Variants in SUPT6H observed in about 807,000 individuals in gnomAD.
The protein encoded by SUPT6H is SPT6 homolog, histone chaperone and transcription elongation factor, also known as transcription elongation factor SPT6.
A neutral mutation model predicts 222.3 loss-of-function variants in SUPT6H; 11 were observed. The ratio of observed to expected loss-of-function variants is 0.05; its 90% CI spans 0.03 to 0.08. The LOEUF (loss-of-function observed/expected upper bound fraction) is 0.08. Among genes scored for constraint, SUPT6H ranks in the 10% least tolerant of loss-of-function variants. The pLI is 1.00. For synonymous variants in SUPT6H, 762 were observed against 801.2 expected, an observed-to-expected ratio of 0.95 and a Z score of 0.83; for missense variants, 1,422 against 2,216.0, an observed-to-expected ratio of 0.64 and a Z score of 7.19.
intron 7 of SUPT6H, among the ~76,000 whole-genome samples, chr17:28,677,150 A>C (rs1202156268): frequency 6.6e-6 from 1 of 151,466 alleles, no homozygotes; most frequent in Non-Finnish European, 1.5e-5. Flanking sequence ...AGGTGGGTGG[A>C]TTGCCTGAGC....
At position 28,675,119 on chromosome 17, in the gene SUPT6H, C is replaced by T. The variant is rs774751467; in HGVS notation, c.495C>T (p.Pro165=). The T allele has an allele frequency of 1.9e-6, 3 of 1,613,598 alleles. No homozygotes were observed. Among genetic ancestry groups the T allele is most frequent in the South Asian group, 1.1e-5 (1 of 91,034 alleles). ...AAGGGCAGGAGGCCATGGAGGCCCC[C>T]ATGGCTCCTCCAGAGGAGGAGGAAG... The part of the protein sequence containing the change: ...GEEGQEAMEA[P]MAPPEEEEED... The change falls in exon 5 of 37, where the codon CCC becomes CCT. Residue 165 remains proline, a synonymous_variant. Transcript: ENST00000314616.
intron 11 of SUPT6H, among the ~76,000 whole-genome samples, chr17:28,679,603 A>G (rs2030974369): frequency 6.6e-6 from 1 of 151,544 alleles, no homozygotes; most frequent in Admixed American, 6.6e-5. Flanking sequence ...GATGGTCTTG[A>G]TCTCCTGACC....
chr17:28,686,893 T>G, intron 21 of SUPT6H, 104 bp downstream of exon 21: 1 of 1,491,546 alleles, frequency 6.7e-7, no homozygotes, highest in African/African-American at 1.4e-5. Flanking sequence ...GGACTGTACC[T>G]GTGTACTTAT....
intron 28 of SUPT6H, among the ~76,000 whole-genome samples, chr17:28,694,109 T>C (rs1015646667): frequency 6.6e-6 from 1 of 152,208 alleles, no homozygotes; most frequent in Non-Finnish European, 1.5e-5. Context: ...TGCAGTTCAG[T>C]CCAGAGGGCA....
At chr17:28,668,666 G>A (rs2030236750) in intron 1 of SUPT6H, among the ~76,000 whole-genome samples, 1 of 152,130 alleles carries the variant, frequency 6.6e-6, no homozygotes, top group Admixed American at 6.5e-5. Context: ...TAGGCTGAGG[G>A]GCATCTGGTC....
chr17:28,689,260 T>C (rs2031534960), intron 24 of SUPT6H, 94 bp from the exon 25 acceptor site: 1 of 1,168,544 alleles, frequency 8.6e-7, no homozygotes, highest in Non-Finnish European at 1.2e-6. Context: ...GGAGGTGCCC[T>C]AATTTATTTA....
chr17:28,682,848 C>T lies in SUPT6H; in HGVS notation c.1719C>T (p.Tyr573=), dbSNP rs1413107213. 5 of 1,614,000 alleles carry T rather than the reference C, an allele frequency of 3.1e-6. No individual in the cohort carries two copies. The highest frequency in any genetic ancestry group is 3.4e-6 in the Non-Finnish European group (4 of 1,180,036). ...PAEPLELAKD[Y]VCSQFPTPEA... ...AGCCCTTGGAGCTGGCCAAGGATTACGTTTGCAGGTAGGCATGCAGCAGGT... is the reference window on the plus strand; with the variant it reads ...AGCCCTTGGAGCTGGCCAAGGATTATGTTTGCAGGTAGGCATGCAGCAGGT... The change falls in exon 14 of 37, where the codon TAC becomes TAT. Residue 573 remains tyrosine, a synonymous_variant. Coordinates refer to ENST00000314616, the MANE Select transcript of SUPT6H (RefSeq NM_003170.5).
intron 1 of SUPT6H, among the ~76,000 whole-genome samples, chr17:28,670,574 G>A (rs2030352992): frequency 1.3e-5 from 2 of 152,040 alleles, no homozygotes; most frequent in South Asian, 2.1e-4. Flanking sequence ...ATCTCTAGGA[G>A]ACATTCAACT....
intron 36 of SUPT6H, 99 bp downstream of exon 36, chr17:28,701,227 G>A (rs1211054733): frequency 4.7e-6 from 7 of 1,488,128 alleles, no homozygotes; most frequent in Non-Finnish European, 4.5e-6. Flanking sequence ...TGGATCCTCT[G>A]AGGGCCCTGA....
At position 28,673,150 on chromosome 17, in the gene SUPT6H, CAA is replaced by C. The variant is rs568444024; in HGVS notation, c.-31-205_-31-204del. Among the ~76,000 whole-genome samples, 236 of 81,762 alleles carry C rather than the reference CAA, an allele frequency of 2.9e-3. 1 individual carries two copies. Among genetic ancestry groups the C allele is most frequent in the African/African-American group, 7.8e-3 (174 of 22,408 alleles). 53.6% of individuals were successfully genotyped at this position (81,762 alleles called of 152,430 possible). A position where few individuals can be genotyped will look rare whatever the true frequency, so the allele number is the denominator to read the frequency against. ...TGGGTGAGAGAGTGAGACGCCACCT[CAA>C]AAAAAAAAAAAAAAAGTACATATGA... On this transcript the variant is annotated intron_variant, in intron 1 of 36. Transcript: ENST00000314616.
chr17:28,665,151 C>G (rs1208206084), intron 1 of SUPT6H, among the ~76,000 whole-genome samples: 1 of 152,156 alleles, frequency 6.6e-6, no homozygotes, highest in Non-Finnish European at 1.5e-5. Flanking sequence ...GAGCATACCT[C>G]TCCCTCATAG....
At chr17:28,700,131 T>C (rs761451130) in intron 33 of SUPT6H, 42 bp from the exon 34 acceptor site, 1 of 1,613,668 alleles carries the variant, frequency 6.2e-7, no homozygotes, top group Non-Finnish European at 8.5e-7. Context: ...AAACCAAAAA[T>C]AGGTTTCTGG....
intron 1 of SUPT6H, among the ~76,000 whole-genome samples, chr17:28,663,612 T>C (rs2072107240): frequency 6.6e-6 from 1 of 152,092 alleles, no homozygotes; most frequent in Non-Finnish European, 1.5e-5. Context: ...TCCTGTCCAC[T>C]ATTTCCCAAT....
In SUPT6H at chr17:28,688,021, T is replaced by A. The variant is rs1453968009; in HGVS notation, c.3007-70T>A. 6.8e-7 allele frequency: 1 copy of A among 1,474,356 alleles called. No homozygotes were observed. The highest frequency in any genetic ancestry group is 9.0e-7 in the Non-Finnish European group (1 of 1,107,508). The allele number at this position is 1,474,356 out of a possible 1,614,324, so 91.3% of individuals were successfully genotyped here. A position where few individuals can be genotyped will look rare whatever the true frequency, so the allele number is the denominator to read the frequency against. Reference sequence around the variant, plus strand: ...CAGAGTTTTTGTTATGAGGGTTTAATAGAGACTGGAACAGTCTGGGGAGGT... The same window carrying A: ...CAGAGTTTTTGTTATGAGGGTTTAAAAGAGACTGGAACAGTCTGGGGAGGT... On this transcript the variant is annotated intron_variant, in intron 23 of 36. Coordinates refer to ENST00000314616, the MANE Select transcript of SUPT6H (RefSeq NM_003170.5). This position sits in a 1 kb window ranked among gnomAD's most constrained non-coding sequence, Gnocchi z 4.3.
At position 28,687,074 on chromosome 17, in the gene SUPT6H, T is replaced by C. The variant is rs773533507; in HGVS notation, c.2701-14T>C. On this transcript the variant is annotated splice_polypyrimidine_tract_variant and intron_variant, in intron 21 of 36. Coordinates refer to ENST00000314616, the MANE Select transcript of SUPT6H (RefSeq NM_003170.5). ...GGGGATTTTAAGGCCCTGCTGACCC[T>C]CGTTTGACTCTAGGCAGAGTTCCGG... is the stretch of plus-strand genomic sequence containing the variant. 2.5e-6 allele frequency: 4 copies of C among 1,611,768 alleles called. No homozygotes were observed. The highest frequency in any genetic ancestry group is 1.3e-5 in the African/African-American group (1 of 74,872).
At position 28,686,973 on chromosome 17, in the gene SUPT6H, G is replaced by T. The variant is rs922259019; in HGVS notation, c.2701-115G>T. The T allele has an allele frequency of 2.5e-5, 38 of 1,517,384 alleles. No individual in the cohort carries two copies. The East Asian group carries it at 8.6e-4, about 34-fold the overall frequency. The allele number at this position is 1,517,384 out of a possible 1,614,324, so 94.0% of individuals were successfully genotyped here. ...GTCCCAGAAATTAAATCGGTCTCAG[G>T]AAAAAAGATCCCAGAGAAGCAGAGA... On this transcript the variant is annotated intron_variant, in intron 21 of 36. Coordinates refer to ENST00000314616, the MANE Select transcript of SUPT6H (RefSeq NM_003170.5).
intron 7 of SUPT6H, 152 bp from the exon 8 acceptor site, chr17:28,677,563 A>T (rs2030833087): frequency 3.1e-6 from 2 of 652,146 alleles, no homozygotes; most frequent in Non-Finnish European, 5.4e-6. Context: ...AAAAATGCTT[A>T]TTTCATGCCA....
rs1567693528 is a variant in SUPT6H, at chr17:28,681,329, A to G, written c.1423A>G (p.Ile475Val). 1 of 1,613,934 alleles carries G rather than the reference A, an allele frequency of 6.2e-7. No individual in the cohort carries two copies. Among genetic ancestry groups the G allele is most frequent in the East Asian group, 2.2e-5 (1 of 44,886 alleles). Residue 475 changes from isoleucine to valine, a missense_variant, in exon 12 of 37, where the codon ATC becomes GTC. Transcript: ENST00000314616. The stretch of plus-strand genomic sequence containing the variant: ...TTTTCTTCTTTATTATGGCCGAGAC[A>G]TCCCTAAGATGCAGAACGCCGCCAA... Reference protein sequence around the residue: ...NHFLLYYGRDIPKMQNAAKAS... With the variant: ...NHFLLYYGRDVPKMQNAAKAS...
rs770246891 is a variant in SUPT6H, at chr17:28,687,359, G to A, written c.2894G>A (p.Arg965Gln). The change falls in exon 23 of 37, where the codon CGA (arginine) becomes CAA (glutamine). Residue 965 changes from arginine (R) to glutamine (Q), a missense_variant. Transcript: ENST00000314616. ...GCCTTGTACTGTGAATTTATCAACC[G>A]AGTCAATGAGGTCGGGGTCGATGTC... ...LNALYCEFINRVNEVGVDVNR... is the reference protein window; with the variant it reads ...LNALYCEFINQVNEVGVDVNR... The A allele has an allele frequency of 2.0e-5, 32 of 1,614,044 alleles. No homozygotes were observed. Among genetic ancestry groups the A allele is most frequent in the African/African-American group, 2.7e-5 (2 of 74,906 alleles).
Sources: gnomAD v4.1 joint callset for allele counts (sites outside exome capture counted in the v4.1 genomes callset) on GRCh38, gnomAD v4.1.1 for gene constraint, Gnocchi (gnomAD v3.1) non-coding constraint, MANE v1.5 for transcripts, NCBI Gene and HGNC (gene_info 2026-07-23, HGNC 2026-07-21) for gene names.